IKBKB: variants seen among roughly 807,000 people sequenced by gnomAD.
The protein encoded by IKBKB is inhibitor of nuclear factor kappa-B kinase subunit beta.
Under a neutral mutation model 113.6 loss-of-function variants are expected in IKBKB, and 42 were observed. That is an observed-to-expected ratio of 0.37 (90% CI 0.29 to 0.48). The LOEUF (loss-of-function observed/expected upper bound fraction) is 0.48. Among genes scored for constraint, IKBKB ranks in the 20% least tolerant of loss-of-function variants. IKBKB has a pLI of 0.99. For missense variants in IKBKB, 673 were observed against 939.7 expected (o/e 0.72, Z 3.71); for synonymous variants, 296 against 361.3 (o/e 0.82, Z 2.05).
chr8:42,314,169 G>A (rs987256164), intron 8 of IKBKB, 153 bp from the exon 9 acceptor site: 7 of 660,208 alleles, frequency 1.1e-5, no homozygotes, highest in Non-Finnish European at 1.9e-5. Flanking sequence ...GGAGCAATAG[G>A]GTGTACGATA....
intron 3 of IKBKB, among the ~76,000 whole-genome samples, chr8:42,289,646 T>C (rs77203322): frequency 0.056 from 8,479 of 152,246 alleles, 342 homozygotes; most frequent in African/African-American, 0.11. Context: ...GAGGAGGTGC[T>C]ATTTGGTTAT....
chr8:42,279,010 G>A (rs11990404), intron 2 of IKBKB, among the ~76,000 whole-genome samples: 3 of 151,732 alleles, frequency 2.0e-5, no homozygotes, highest in Admixed American at 1.3e-4. Context: ...AAAAAAAAGA[G>A]AGAGAGAGAT....
At chr8:42,307,133 A>G (rs915635475) in intron 7 of IKBKB, among the ~76,000 whole-genome samples, 179 of 152,284 alleles carry the variant, frequency 1.2e-3, no homozygotes, top group African/African-American at 4.1e-3. Flanking sequence ...GGGTGTTGCA[A>G]GAATATATAT....
intron 20 of IKBKB, among the ~76,000 whole-genome samples, chr8:42,327,459 G>A (rs1187373188): frequency 2.0e-5 from 3 of 148,136 alleles, no homozygotes; most frequent in Admixed American, 6.9e-5. Context: ...TCAGCCTCCC[G>A]AGTAGCTGGG....
At position 42,320,644 on chromosome 8, in the gene IKBKB, T is replaced by C. The variant is rs1265723920; in HGVS notation, c.1579-91T>C. On this transcript the variant is annotated intron_variant, in intron 15 of 21. Coordinates refer to ENST00000520810, the MANE Select transcript of IKBKB (RefSeq NM_001556.3). ...GTCCATTGAGGGTCCTCAGGGAATGTGGCGGGTCCCCTGGTCTCGCTCCCC... is the reference window on the plus strand; with the variant it reads ...GTCCATTGAGGGTCCTCAGGGAATGCGGCGGGTCCCCTGGTCTCGCTCCCC... The C allele has an allele frequency of 1.2e-5, 12 of 1,002,044 alleles. No homozygotes were observed. The East Asian group carries it at 2.9e-4, about 24-fold the overall frequency. 62.1% of individuals were successfully genotyped at this position (1,002,044 alleles called of 1,614,324 possible). A position where few individuals can be genotyped will look rare whatever the true frequency, so the allele number is the denominator to read the frequency against.
intron 16 of IKBKB, chr8:42,321,691 T>A (rs997277194): frequency 8.9e-5 from 43 of 482,126 alleles, no homozygotes; most frequent in Non-Finnish European, 1.3e-4. Flanking sequence ...TCAGCTAATT[T>A]AAAAAAAAAA....
chr8:42,304,557 C>A (rs1348504738), intron 5 of IKBKB, among the ~76,000 whole-genome samples: 1 of 152,162 alleles, frequency 6.6e-6, no homozygotes, highest in Non-Finnish European at 1.5e-5. Context: ...CACAGAACCT[C>A]CCAGAGAACT....
intron 5 of IKBKB, among the ~76,000 whole-genome samples, chr8:42,297,911 A>G (rs1311637925): frequency 6.6e-6 from 1 of 152,046 alleles, no homozygotes; most frequent in Non-Finnish European, 1.5e-5. Flanking sequence ...AAAAGAAAAA[A>G]GAATGAGCAG....
chr8:42,304,640 C>G (rs547018203), intron 5 of IKBKB, among the ~76,000 whole-genome samples: 1 of 152,154 alleles, frequency 6.6e-6, no homozygotes, highest in Non-Finnish European at 1.5e-5. Flanking sequence ...TCTGCCTCCC[C>G]GCTGCTTCCT....
chr8:42,332,370 A>G lies in IKBKB; in HGVS notation c.*1391A>G, dbSNP rs1279741636. The G allele has an allele frequency of 6.6e-6, 1 of 152,232 alleles. No homozygotes were observed. Among genetic ancestry groups the G allele is most frequent in the Admixed American group, 6.5e-5 (1 of 15,272 alleles). 9.4% of individuals were successfully genotyped at this position (152,232 alleles called of 1,614,324 possible). A position where few individuals can be genotyped will look rare whatever the true frequency, so the allele number is the denominator to read the frequency against. On this transcript the variant is annotated 3_prime_UTR_variant, in exon 22 of 22. Transcript: ENST00000520810. ...ATCAATGTCATTTGGCTATAGAAAC[A>G]TTTTCTCCTGCTGATTGTGTGTGTG...
chr8:42,327,806 A>ATTTTTTTTT (rs1285987849), intron 20 of IKBKB, among the ~76,000 whole-genome samples: 1 of 14,662 alleles, frequency 6.8e-5, no homozygotes, highest in African/African-American at 1.3e-4. Flanking sequence ...CTAATTTTGT[A>ATTTTTTTTT]TTTTTTTTTT....
chr8:42,286,357 T>G (rs1811419781), intron 2 of IKBKB, among the ~76,000 whole-genome samples: 1 of 152,202 alleles, frequency 6.6e-6, no homozygotes, highest in Non-Finnish European at 1.5e-5. Flanking sequence ...TTTCCTTTTC[T>G]TGCTGTGAAG....
intron 5 of IKBKB, among the ~76,000 whole-genome samples, chr8:42,303,090 A>AGAGAG (rs1815668991): frequency 2.0e-4 from 20 of 101,130 alleles, no homozygotes; most frequent in African/African-American, 7.9e-4. Flanking sequence ...AGAGAGAGAG[A>AGAGAG]ATGAGAGAGA....
chr8:42,323,377 G>A (rs57170938), intron 19 of IKBKB, among the ~76,000 whole-genome samples: 12,160 of 152,258 alleles, frequency 0.08, 854 homozygotes, highest in African/African-American at 0.18. Context: ...CCGTCTTAAC[G>A]TAGCTGTGAG....
At chr8:42,281,535 TGGG>T (rs1810374916) in intron 2 of IKBKB, among the ~76,000 whole-genome samples, 1 of 152,100 alleles carries the variant, frequency 6.6e-6, no homozygotes, top group African/African-American at 2.4e-5. Context: ...CTGTGCCCCT[TGGG>T]GGTCTGCACT....
chr8:42,319,773 A>G, intron 15 of IKBKB, 127 bp downstream of exon 15: 1 of 810,930 alleles, frequency 1.2e-6, no homozygotes. Flanking sequence ...CCATGCTTTG[A>G]GCTTAACTGG....
intron 1 of IKBKB, 88 bp downstream of exon 1, chr8:42,271,557 C>G: frequency 3.5e-6 from 2 of 567,422 alleles, no homozygotes; most frequent in Non-Finnish European, 6.1e-6. Context: ...CCCTCTGTGC[C>G]GCTGGGAAGT....
At chr8:42,279,722 C>T (rs1809951032) in intron 2 of IKBKB, among the ~76,000 whole-genome samples, 1 of 152,162 alleles carries the variant, frequency 6.6e-6, no homozygotes, top group Admixed American at 6.6e-5. Context: ...CATGCTTTTT[C>T]CATTGTGCCT....
In IKBKB at chr8:42,302,676, T is replaced by C. The variant is rs146893005; in HGVS notation, c.389-2511T>C. On this transcript the variant is annotated intron_variant, in intron 5 of 21. Transcript: ENST00000520810. The stretch of plus-strand genomic sequence containing the variant: ...CAGACTATAAAATCATTTATAAAAA[T>C]TCAGTTGTTTCATATAAGGTATATA... 2.9e-3 allele frequency among the ~76,000 whole-genome samples: 438 copies of C among 152,258 alleles called. 4 individuals carry two copies. Among genetic ancestry groups the C allele is most frequent in the African/African-American group, 9.3e-3 (386 of 41,540 alleles).
Sources: gnomAD v4.1 joint callset for allele counts (sites outside exome capture counted in the v4.1 genomes callset) on GRCh38, gnomAD v4.1.1 for gene constraint, MANE v1.5 for transcripts, NCBI Gene and HGNC (gene_info 2026-07-23, HGNC 2026-07-21) for gene names.